Variants in THOC5 observed in about 807,000 individuals in gnomAD.
The protein encoded by THOC5 is Fms-interacting protein.
A neutral mutation model predicts 92.9 loss-of-function variants in THOC5; 43 were observed. The ratio of observed to expected loss-of-function variants is 0.46; its 90% CI spans 0.36 to 0.60. THOC5 has a LOEUF of 0.60. Ranked by LOEUF, THOC5 falls within the 20% of genes least tolerant of loss-of-function variation. The pLI is 0.00. For synonymous variants in THOC5, 296 were observed against 320.1 expected, an observed-to-expected ratio of 0.92 and a Z score of 0.80; for missense variants, 659 against 849.4, an observed-to-expected ratio of 0.78 and a Z score of 2.79.
chr22:29,542,818 G>GA (rs749507879), intron 5 of THOC5, 41 bp downstream of exon 5: 1 of 1,411,724 alleles, frequency 7.1e-7, no homozygotes, highest in Non-Finnish European at 9.9e-7. Context: ...AGCAGTTACC[G>GA]AAAGACCACA....
At chr22:29,509,711 GAACA>G in intron 19 of THOC5, among the ~76,000 whole-genome samples, 3 of 148,230 alleles carry the variant, frequency 2.0e-5, no homozygotes, top group Non-Finnish European at 3.0e-5. Context: ...AGGGAACAGA[GAACA>G]AGGTAAGGGA....
At chr22:29,510,985 T>C in intron 19 of THOC5, 121 bp downstream of exon 19, 1 of 1,031,888 alleles carries the variant, frequency 9.7e-7, no homozygotes, top group Non-Finnish European at 1.4e-6. Context: ...ACCAGAGTGA[T>C]AGGCATCGGC....
chr22:29,551,706 G>A (rs1052175417), intron 1 of THOC5, among the ~76,000 whole-genome samples: 3 of 152,052 alleles, frequency 2.0e-5, no homozygotes, highest in Non-Finnish European at 2.9e-5. Context: ...AGCTATGATC[G>A]CGCCACTGCA....
intron 13 of THOC5, among the ~76,000 whole-genome samples, chr22:29,520,390 C>T (rs1382631636): frequency 6.6e-6 from 1 of 152,160 alleles, no homozygotes; most frequent in Admixed American, 6.5e-5. Flanking sequence ...TATTGGTCTA[C>T]CAATTTAGAA....
chr22:29,517,667 C>A (rs2063360046), intron 15 of THOC5, among the ~76,000 whole-genome samples: 3 of 152,210 alleles, frequency 2.0e-5, no homozygotes, highest in Admixed American at 6.5e-5. Flanking sequence ...GGGAGGGTGC[C>A]CCTGCAGCAG....
chr22:29,553,515 G>A (rs1227338272), intron 1 of THOC5, 156 bp downstream of exon 1: 4 of 152,618 alleles, frequency 2.6e-5, no homozygotes, highest in Admixed American at 2.0e-4. Flanking sequence ...TGAGGTAACA[G>A]CGCAGCGCCG....
intron 5 of THOC5, among the ~76,000 whole-genome samples, chr22:29,540,194 C>T (rs2063851581): frequency 6.6e-6 from 1 of 152,130 alleles, no homozygotes; most frequent in Non-Finnish European, 1.5e-5. Flanking sequence ...ATCGCTCGAA[C>T]CCAGGAGGCA....
At chr22:29,518,967 C>CT in intron 15 of THOC5, 39 bp downstream of exon 15, 1 of 1,290,786 alleles carries the variant, frequency 7.7e-7, no homozygotes, top group Non-Finnish European at 1.1e-6. Context: ...CGTGTGTTGT[C>CT]TGAGTGACTC....
chr22:29,522,706 TAAA>T (rs972285256), intron 12 of THOC5, among the ~76,000 whole-genome samples: 1 of 151,852 alleles, frequency 6.6e-6, no homozygotes, highest in Non-Finnish European at 1.5e-5. Context: ...AGTAAGGGAT[TAAA>T]AAAACCTTAG....
chr22:29,510,954 G>A (rs1038777640), intron 19 of THOC5, 152 bp downstream of exon 19: 23 of 742,310 alleles, frequency 3.1e-5, no homozygotes, highest in Non-Finnish European at 4.3e-5. Context: ...CCTTCAGGAG[G>A]TGTTAGTGAA....
intron 11 of THOC5, among the ~76,000 whole-genome samples, 183 bp from the exon 12 acceptor site, chr22:29,526,129 A>G (rs750459430): frequency 7.9e-5 from 12 of 152,190 alleles, no homozygotes; most frequent in Admixed American, 7.2e-4. Context: ...AAAATAGTGT[A>G]ACAAATCGGC....
intron 11 of THOC5, among the ~76,000 whole-genome samples, chr22:29,526,951 A>T (rs533456189): frequency 6.6e-6 from 1 of 152,354 alleles, no homozygotes; most frequent in Admixed American, 6.5e-5. Context: ...ATTAATTAAA[A>T]AAGGAAGAAA....
At chr22:29,548,654 A>G (rs2064078071) in intron 2 of THOC5, among the ~76,000 whole-genome samples, 1 of 152,130 alleles carries the variant, frequency 6.6e-6, no homozygotes, top group Admixed American at 6.6e-5. Flanking sequence ...CGACCACATG[A>G]GCTCTCAGGC....
intron 1 of THOC5, among the ~76,000 whole-genome samples, chr22:29,552,206 C>T (rs1342935334): frequency 2.0e-5 from 3 of 152,106 alleles, no homozygotes; most frequent in Admixed American, 1.3e-4. Context: ...CCGGCCGCCA[C>T]CCCGTCTGGG....
chr22:29,537,262 G>A (rs2063777577), intron 6 of THOC5, among the ~76,000 whole-genome samples: 1 of 152,230 alleles, frequency 6.6e-6, no homozygotes, highest in Non-Finnish European at 1.5e-5. Flanking sequence ...ACTGATGGCT[G>A]AGTCAGTGCC....
intron 5 of THOC5, among the ~76,000 whole-genome samples, chr22:29,540,554 C>A (rs1048526400): frequency 1.3e-5 from 2 of 152,198 alleles, no homozygotes; most frequent in Non-Finnish European, 2.9e-5. Flanking sequence ...AAGGCCTATG[C>A]TCCTTCCATG....
intron 2 of THOC5, among the ~76,000 whole-genome samples, chr22:29,545,520 GTAGA>G (rs1233898365): frequency 6.6e-6 from 1 of 152,134 alleles, no homozygotes; most frequent in African/African-American, 2.4e-5. Flanking sequence ...TAGTTACTTC[GTAGA>G]TACAGTGGGG....
chr22:29,535,648 G>T (rs192757119), intron 7 of THOC5: 3 of 152,270 alleles, frequency 2.0e-5, no homozygotes, highest in African/African-American at 4.8e-5. Flanking sequence ...TACCATACAA[G>T]AATTTATTTA....
intron 12 of THOC5, among the ~76,000 whole-genome samples, chr22:29,525,621 T>A (rs941778242): frequency 6.6e-6 from 1 of 152,232 alleles, no homozygotes; most frequent in Non-Finnish European, 1.5e-5. Flanking sequence ...ACTTTTATCA[T>A]CTGCTGTGTA....
Sources: gnomAD v4.1 joint callset for allele counts (sites outside exome capture counted in the v4.1 genomes callset) on GRCh38, gnomAD v4.1.1 for gene constraint, MANE v1.5 for transcripts, NCBI Gene and HGNC (gene_info 2026-07-23, HGNC 2026-07-21) for gene names.